Variants in STK32B observed in about 807,000 individuals in gnomAD.
STK32B encodes the protein serine/threonine kinase 32B, also known as serine/threonine-protein kinase 32B.
Under a neutral mutation model 52.6 loss-of-function variants are expected in STK32B, and 43 were observed. The observed-to-expected ratio is 0.82, with a 90% CI of 0.64 to 1.05. The LOEUF (loss-of-function observed/expected upper bound fraction) is 1.05, where lower values mean the gene tolerates loss of function less well. STK32B is among the 50% of genes least tolerant of loss of function. The probability of loss-of-function intolerance (pLI) is 0.00; values close to 1 mark genes in which losing one functional copy is unlikely to be tolerated. For missense variants in STK32B, 621 were observed against 534.6 expected (o/e 1.16, Z -1.59); for synonymous variants, 238 against 204.3 (o/e 1.17, Z -1.41).
chr4:5,304,741 G>A (rs1037879014), intron 3 of STK32B, among the ~76,000 whole-genome samples: 1 of 151,812 alleles, frequency 6.6e-6, no homozygotes, highest in Non-Finnish European at 1.5e-5. Context: ...TGGTGAAAGC[G>A]GGCATCCTTG....
At chr4:5,099,309 A>C (rs1049562913) in intron 1 of STK32B, among the ~76,000 whole-genome samples, 3 of 152,126 alleles carry the variant, frequency 2.0e-5, no homozygotes, top group Non-Finnish European at 4.4e-5. Flanking sequence ...CCCCTTTCTC[A>C]GGTTCTAGGA....
intron 1 of STK32B, among the ~76,000 whole-genome samples, chr4:5,091,048 AAAATTAAC>A (rs1174786010): frequency 2.0e-5 from 3 of 152,342 alleles, no homozygotes; most frequent in African/African-American, 7.2e-5. Flanking sequence ...CATTTAAATG[AAAATTAAC>A]ACCAATCGTT....
intron 5 of STK32B, among the ~76,000 whole-genome samples, chr4:5,411,209 G>A (rs141026778): frequency 0.032 from 4,894 of 152,114 alleles, 113 homozygotes; most frequent in Non-Finnish European, 0.052. Flanking sequence ...CTAATTTTTT[G>A]TATTTTTAGT....
intron 2 of STK32B, 104 bp from the exon 3 acceptor site, chr4:5,168,195 G>A: frequency 7.0e-7 from 1 of 1,435,356 alleles, no homozygotes; most frequent in Non-Finnish European, 9.4e-7. Context: ...TTCAAGAACA[G>A]GGACGTGAAT....
chr4:5,443,438 T>A (rs1377261805), intron 6 of STK32B, among the ~76,000 whole-genome samples: 1 of 151,992 alleles, frequency 6.6e-6, no homozygotes, highest in Non-Finnish European at 1.5e-5. Context: ...TTCTCGAGCC[T>A]TGGTTTTCAG....
At chr4:5,366,606 G>C (rs2109005737) in intron 4 of STK32B, among the ~76,000 whole-genome samples, 1 of 152,372 alleles carries the variant, frequency 6.6e-6, no homozygotes, top group Non-Finnish European at 1.5e-5. Context: ...AGAGGCACGG[G>C]TGGCCCAGTC....
At chr4:5,297,744 G>C (rs1047956544) in intron 3 of STK32B, among the ~76,000 whole-genome samples, 2 of 151,584 alleles carry the variant, frequency 1.3e-5, no homozygotes, top group African/African-American at 4.8e-5. Context: ...TTAGCTTGGA[G>C]GAGTTTGTTA....
intron 4 of STK32B, among the ~76,000 whole-genome samples, chr4:5,377,947 A>G (rs1471972434): frequency 6.6e-6 from 1 of 152,160 alleles, no homozygotes; most frequent in Non-Finnish European, 1.5e-5. Context: ...AATAAATAAA[A>G]ACAAAATAGT....
At chr4:5,297,275 G>A (rs1292875407) in intron 3 of STK32B, among the ~76,000 whole-genome samples, 7 of 152,094 alleles carry the variant, frequency 4.6e-5, no homozygotes, top group Non-Finnish European at 7.3e-5. Flanking sequence ...TCTTCTCAAG[G>A]AGTATCTTAG....
chr4:5,171,500 G>T (rs1719369623), intron 3 of STK32B, among the ~76,000 whole-genome samples: 1 of 152,194 alleles, frequency 6.6e-6, no homozygotes, highest in African/African-American at 2.4e-5. Flanking sequence ...TACAAGGAAG[G>T]TGTCCAGTTT....
intron 3 of STK32B, among the ~76,000 whole-genome samples, chr4:5,289,039 A>G (rs1391096293): frequency 6.6e-6 from 1 of 152,192 alleles, no homozygotes; most frequent in Non-Finnish European, 1.5e-5. Context: ...ATTCTGAGAA[A>G]GGTTTCATTG....
intron 11 of STK32B, among the ~76,000 whole-genome samples, chr4:5,491,270 C>G (rs1435560764): frequency 6.6e-6 from 1 of 152,190 alleles, no homozygotes; most frequent in Non-Finnish European, 1.5e-5. Flanking sequence ...GCCATTCTAA[C>G]TAACTGGTGT....
At chr4:5,263,034 T>C (rs28582099) in intron 3 of STK32B, among the ~76,000 whole-genome samples, 29,432 of 147,970 alleles carry the variant, frequency 0.2, 5,854 homozygotes, top group African/African-American at 0.51. Flanking sequence ...CATCTCTTGC[T>C]CATACCTCTG....
chr4:5,390,335 A>T (rs1000473693), intron 4 of STK32B, among the ~76,000 whole-genome samples: 1 of 152,198 alleles, frequency 6.6e-6, no homozygotes, highest in African/African-American at 2.4e-5. Flanking sequence ...TAGAGTGTCC[A>T]TCGACAGGAG....
chr4:5,245,062 G>A (rs1306313532), intron 3 of STK32B, among the ~76,000 whole-genome samples: 1 of 152,172 alleles, frequency 6.6e-6, no homozygotes, highest in Non-Finnish European at 1.5e-5. Context: ...ATTTGGGGTG[G>A]AGAGTTCTGT....
rs73095719 is a variant in STK32B, at chr4:5,416,617, C to T, written c.473-228C>T. Among the ~76,000 whole-genome samples the T allele has an allele frequency of 6.9e-3, 1,046 of 152,302 alleles. 11 individuals are homozygous for T. The highest frequency in any genetic ancestry group is 0.024 in the African/African-American group (996 of 41,568). On this transcript the variant is annotated intron_variant, in intron 5 of 11. Transcript: ENST00000282908. ...ACTTTTAATTCATAAAAAATGTATC[C>T]TGCCCCTCAATATATTTATGTAAAA...
At chr4:5,436,678 G>C in intron 6 of STK32B, 1 of 985,244 alleles carries the variant, frequency 1.0e-6, no homozygotes, top group Non-Finnish European at 1.2e-6. Context: ...GCTATTAGGA[G>C]TTAGAATCAC....
At chr4:5,438,403 T>C (rs921925826) in intron 6 of STK32B, among the ~76,000 whole-genome samples, 11 of 152,192 alleles carry the variant, frequency 7.2e-5, no homozygotes, top group Non-Finnish European at 1.5e-4. Flanking sequence ...GTCAGGATGA[T>C]CTATCACCGA....
At chr4:5,431,747 G>A (rs987171804) in intron 6 of STK32B, among the ~76,000 whole-genome samples, 1 of 152,126 alleles carries the variant, frequency 6.6e-6, no homozygotes, top group African/African-American at 2.4e-5. Flanking sequence ...AATGCTACTA[G>A]CATCTCCCCA....
Sources: allele counts gnomAD v4.1 joint callset (sites outside exome capture counted in the v4.1 genomes callset), GRCh38; gene constraint gnomAD v4.1.1; transcripts MANE v1.5; gene names NCBI Gene and HGNC (gene_info 2026-07-23, HGNC 2026-07-21).